Variants in COL4A1 observed in about 807,000 individuals in gnomAD.
The protein encoded by COL4A1 is collagen alpha-1(IV) chain.
Under a neutral mutation model 216.6 loss-of-function variants are expected in COL4A1, and 40 were observed. That is an observed-to-expected ratio of 0.18 (90% CI 0.14 to 0.24). The LOEUF is 0.24. COL4A1 is among the 10% of genes least tolerant of loss of function. The pLI, the probability that COL4A1 is intolerant of heterozygous loss-of-function variation, is 1.00. For synonymous variants in COL4A1, 839 were observed against 810.7 expected (o/e 1.03, Z -0.59); for missense variants, 1,628 against 2,196.8 (o/e 0.74, Z 5.18).
chr13:110,162,153 G>A, intron 48 of COL4A1, 77 bp downstream of exon 48: 3 of 1,310,088 alleles, frequency 2.3e-6, no homozygotes, highest in South Asian at 2.4e-5. Context: ...CAGCAGCAGA[G>A]GCGAGTCCAG....
chr13:110,192,666 C>T (rs1438668218), intron 23 of COL4A1, among the ~76,000 whole-genome samples, 164 bp downstream of exon 23: 1 of 152,164 alleles, frequency 6.6e-6, no homozygotes, highest in African/African-American at 2.4e-5. Flanking sequence ...TCATTCCCAG[C>T]AATGTGGACA....
chr13:110,151,302 T>C (rs189463547), intron 51 of COL4A1, among the ~76,000 whole-genome samples: 13 of 151,492 alleles, frequency 8.6e-5, no homozygotes, highest in Admixed American at 3.9e-4. Flanking sequence ...ATCAGGCTGC[T>C]GGTTAAAAAA....
chr13:110,187,081 A>C, intron 25 of COL4A1, 57 bp downstream of exon 25: 1 of 1,589,708 alleles, frequency 6.3e-7, no homozygotes, highest in Non-Finnish European at 8.6e-7. Flanking sequence ...CTCATTTCTC[A>C]ATGCTTTGCA....
intron 21 of COL4A1, 80 bp from the exon 22 acceptor site, chr13:110,195,198 A>C: frequency 8.8e-7 from 1 of 1,142,826 alleles, no homozygotes; most frequent in Non-Finnish European, 1.3e-6. Context: ...TTATAAAACC[A>C]AAATATTTTA....
At chr13:110,219,852 ATATGTATATATGTGTG>A (rs1368908560) in intron 2 of COL4A1, among the ~76,000 whole-genome samples, 5 of 89,248 alleles carry the variant, frequency 5.6e-5, no homozygotes, top group Non-Finnish European at 1.1e-4. Flanking sequence ...ATGTGTATAT[ATATGTATATATGTGTG>A]TGTATATATG....
At chr13:110,163,418 A>G in intron 47 of COL4A1, 45 bp downstream of exon 47, 1 of 1,572,760 alleles carries the variant, frequency 6.4e-7, no homozygotes, top group South Asian at 1.1e-5. Flanking sequence ...TTCTATCCCA[A>G]AGATCCTGGT....
chr13:110,210,032 C>G lies in COL4A1; in HGVS notation c.563G>C (p.Gly188Ala). 1 of 1,614,124 alleles carries G rather than the reference C, an allele frequency of 6.2e-7. No individual in the cohort carries two copies. The highest frequency in any genetic ancestry group is 8.5e-7 in the Non-Finnish European group (1 of 1,180,040). ...AACAGGACCTTGAAGCCCTGGCAGT[C>G]CTGGTGGGCCCTAGAATGCATGAGA... ...PGIPGTPGPP[G>A]LPGLQGPVGP... Residue 188 changes from glycine (G) to alanine (A), a missense_variant, in exon 10 of 52, where the codon GGA (glycine) becomes GCA (alanine). Physicochemically the swap from Gly to Ala is moderately conservative, Grantham distance 60. Coordinates refer to ENST00000375820, the MANE Select transcript of COL4A1 (RefSeq NM_001845.6).
rs138970497 is a variant in COL4A1, at chr13:110,208,724, T to A, written c.693+125A>T. The A allele has an allele frequency of 1.1e-3, 1,004 of 925,144 alleles. 6 individuals are homozygous for A. The African/African-American group carries it at 0.013, about 12-fold the overall frequency. The allele number at this position is 925,144 out of a possible 1,614,324, so 57.3% of individuals were successfully genotyped here. A position where few individuals can be genotyped will look rare whatever the true frequency, so the allele number is the denominator to read the frequency against. On this transcript the variant is annotated intron_variant, in intron 12 of 51. Coordinates refer to ENST00000375820, the MANE Select transcript of COL4A1 (RefSeq NM_001845.6). ...TTTAAGGAAAACACTAACTACCAAATGCAAGAACATGCAGAGAAGAGTAAC... is the reference window on the plus strand; with the variant it reads ...TTTAAGGAAAACACTAACTACCAAAAGCAAGAACATGCAGAGAAGAGTAAC...
intron 1 of COL4A1, 138 bp downstream of exon 1, chr13:110,306,806 G>T: frequency 1.4e-6 from 1 of 724,124 alleles, no homozygotes; most frequent in Non-Finnish European, 2.0e-6. Context: ...AACGAACCCC[G>T]GCCCAGAGAA....
Position 110,207,255 on chromosome 13 carries a change from T to C in COL4A1, c.780+148A>G. 1 of 758,632 alleles carries C rather than the reference T, an allele frequency of 1.3e-6. No homozygotes were observed. Among genetic ancestry groups the C allele is most frequent in the Non-Finnish European group, 2.3e-6 (1 of 439,248 alleles). 47.0% of individuals were successfully genotyped at this position (758,632 alleles called of 1,614,324 possible). ...GTCTCTGCTCTCAAAGGGGCTCGTA[T>C]TTTATGGACTGAACAGTCTATAAAT... On this transcript the variant is annotated intron_variant, in intron 13 of 51. Transcript: ENST00000375820. The surrounding 1 kb of genome is among the most constrained non-coding windows in gnomAD (Gnocchi z 4.4).
intron 40 of COL4A1, 31 bp from the exon 41 acceptor site, chr13:110,172,801 TCTTTA>T (rs1877706561): frequency 6.3e-7 from 1 of 1,598,580 alleles, no homozygotes; most frequent in African/African-American, 1.3e-5. Context: ...GCCACGTTTC[TCTTTA>T]CTTAAACAAT....
At chr13:110,199,063 C>T (rs1480181737) in intron 20 of COL4A1, among the ~76,000 whole-genome samples, 1 of 152,186 alleles carries the variant, frequency 6.6e-6, no homozygotes, top group Non-Finnish European at 1.5e-5. Flanking sequence ...CAACTAAGGA[C>T]ACACAAGATG....
At chr13:110,219,957 C>CATACAT (rs1419436500) in intron 2 of COL4A1, among the ~76,000 whole-genome samples, 5 of 46,490 alleles carry the variant, frequency 1.1e-4, no homozygotes, top group African/African-American at 3.0e-4. Flanking sequence ...TATACACATA[C>CATACAT]ATACATATAC....
At chr13:110,197,800 C>T (rs1339656123) in intron 21 of COL4A1, among the ~76,000 whole-genome samples, 3 of 152,192 alleles carry the variant, frequency 2.0e-5, no homozygotes, top group Non-Finnish European at 4.4e-5. Context: ...ACAGAGGATT[C>T]GTGTTTCAGG....
chr13:110,190,758 A>C (rs748330282), intron 24 of COL4A1: 10 of 152,204 alleles, frequency 6.6e-5, no homozygotes, highest in Non-Finnish European at 1.3e-4. Flanking sequence ...ATTTACCCAT[A>C]AATTTATTTT....
intron 2 of COL4A1, among the ~76,000 whole-genome samples, chr13:110,231,562 G>A (rs774248531): frequency 8.5e-5 from 13 of 152,148 alleles, no homozygotes; most frequent in Non-Finnish European, 1.3e-4. Flanking sequence ...TTAGCAGAGT[G>A]TTCACTTGGG....
At chr13:110,179,450 A>G in intron 29 of COL4A1, 29 bp from the exon 30 acceptor site, 1 of 1,613,932 alleles carries the variant, frequency 6.2e-7, no homozygotes, top group East Asian at 2.2e-5. Context: ...CAGAGAAGCA[A>G]ATTGATTTGC....
At chr13:110,258,554 G>A (rs1308819971) in intron 1 of COL4A1, among the ~76,000 whole-genome samples, 1 of 151,886 alleles carries the variant, frequency 6.6e-6, no homozygotes, top group African/African-American at 2.4e-5. Context: ...AAAAAGAAAA[G>A]AAAATTTAAA....
Position 110,179,347 on chromosome 13 carries a change from C to A in COL4A1, c.2268G>T (p.Glu756Asp). ...GLPGIPGTPG[E>D]KGSIGVPGVP... is the part of the protein sequence containing the mutation. ...CGCCTGGTACCCCAATGCTCCCCTT[C>A]TCCCCGGGTGTGCCAGGAATGCCGG... Residue 756 changes from glutamate (E) to aspartate (D), a missense_variant, in exon 30 of 52, where the codon GAG becomes GAT. Physicochemically the swap from Glu to Asp is conservative, Grantham distance 45. Transcript: ENST00000375820. 6.2e-7 allele frequency: 1 copy of A among 1,614,160 alleles called. No individual in the cohort carries two copies. The highest frequency in any genetic ancestry group is 8.5e-7 in the Non-Finnish European group (1 of 1,180,016).
Sources: gnomAD v4.1 joint callset for allele counts (sites outside exome capture counted in the v4.1 genomes callset) on GRCh38, gnomAD v4.1.1 for gene constraint, Gnocchi (gnomAD v3.1) non-coding constraint, MANE v1.5 for transcripts, NCBI Gene and HGNC (gene_info 2026-07-23, HGNC 2026-07-21) for gene names.